Variants in RAD54L observed in about 807,000 individuals in gnomAD.
RAD54L encodes the protein RAD54 like.
Under a neutral mutation model 91.6 loss-of-function variants are expected in RAD54L, and 74 were observed. That is an observed-to-expected ratio of 0.81 (90% CI 0.67 to 0.98). The LOEUF is 0.98. RAD54L is among the 50% of genes least tolerant of loss of function. The probability of loss-of-function intolerance (pLI) is 0.00; values close to 1 mark genes in which losing one functional copy is unlikely to be tolerated. For missense variants in RAD54L, 887 were observed against 945.7 expected (o/e 0.94, Z 0.81); for synonymous variants, 304 against 349.7 (o/e 0.87, Z 1.46).
chr1:46,258,937 T>A (rs1205488007), intron 4 of RAD54L, among the ~76,000 whole-genome samples, 191 bp downstream of exon 4: 1 of 152,216 alleles, frequency 6.6e-6, no homozygotes, highest in Non-Finnish European at 1.5e-5. Flanking sequence ...CTGCCAAGAC[T>A]AACTGCCCCT....
chr1:46,261,214 T>G (rs1302487291), intron 7 of RAD54L, 47 bp from the exon 8 acceptor site: 9 of 1,607,552 alleles, frequency 5.6e-6, no homozygotes, highest in Non-Finnish European at 7.6e-6. Flanking sequence ...GTTTTTTTTT[T>G]TTTCAAAAGA....
rs754995325 is a variant in RAD54L at position 46,278,238 on chromosome 1, G to T, written c.2200G>T (p.Val734Phe). The change falls in exon 18 of 18, where the codon GTC (valine) becomes TTC (phenylalanine). Residue 734 changes from valine to phenylalanine, a missense_variant. By Grantham distance (50) the Val-to-Phe change is conservative. Coordinates refer to ENST00000371975, the MANE Select transcript of RAD54L (RefSeq NM_003579.4). The stretch of plus-strand genomic sequence containing the variant: ...TGCTGCCTCCACTGCCATCACCTTC[G>T]TCTTCCACCAGCGTTCTCATGAGGA... ...WDAASTAITF[V>F]FHQRSHEEQR... 6.2e-7 allele frequency: 1 copy of T among 1,613,836 alleles called. No homozygotes were observed. Among genetic ancestry groups the T allele is most frequent in the South Asian group, 1.1e-5 (1 of 90,998 alleles).
At position 46,255,447 on chromosome 1, in the gene RAD54L, G is replaced by C. The variant is rs1265302959; in HGVS notation, c.211-3239G>C. 2.0e-5 allele frequency among the ~76,000 whole-genome samples: 3 copies of C among 149,642 alleles called. No individual in the cohort carries two copies. In the East Asian group the frequency reaches 6.0e-4, roughly 30 times the overall value. On this transcript the variant is annotated intron_variant, in intron 3 of 17. Transcript: ENST00000371975. ...GCTCCCTCCCCTGCCCCCTGCTATA[G>C]AGACTGGTGAGTCACCAAACCAGAT...
In RAD54L at chr1:46,249,929, C is replaced by A. The variant is rs1571709884; in HGVS notation, c.91-71C>A. The A allele has an allele frequency of 2.6e-6, 4 of 1,548,330 alleles. No individual in the cohort carries two copies. The East Asian group carries it at 6.7e-5, about 26-fold the overall frequency. ...AGTGCCTGGCACTTAATAAGCACTT[C>A]AAGTGTTAGTTGCCATTATGGTGAT... On this transcript the variant is annotated intron_variant, in intron 2 of 17. Transcript: ENST00000371975.
intron 3 of RAD54L, among the ~76,000 whole-genome samples, chr1:46,251,696 C>T (rs1365511353): frequency 6.6e-6 from 1 of 152,158 alleles, no homozygotes; most frequent in African/African-American, 2.4e-5. Context: ...AGCTTGAGCT[C>T]AGGAGTTTGA....
chr1:46,258,267 A>G (rs866205687), intron 3 of RAD54L, among the ~76,000 whole-genome samples: 1 of 150,758 alleles, frequency 6.6e-6, no homozygotes, highest in Middle Eastern at 3.4e-3. Context: ...AAGGAGGCTG[A>G]TGTGAGTATT....
chr1:46,257,448 GT>G (rs1426132856), intron 3 of RAD54L, among the ~76,000 whole-genome samples: 1 of 152,206 alleles, frequency 6.6e-6, no homozygotes, highest in Non-Finnish European at 1.5e-5. Flanking sequence ...GGGCTCAGGT[GT>G]GTGTGGACCA....
At chr1:46,276,859 G>C (rs574816220) in intron 16 of RAD54L, among the ~76,000 whole-genome samples, 2 of 152,300 alleles carry the variant, frequency 1.3e-5, no homozygotes, top group Admixed American at 1.3e-4. Context: ...GGAGTGCAAT[G>C]GCACCATCTC....
In RAD54L at chr1:46,258,712, A is replaced by G. The variant is rs528145742; in HGVS notation, c.237A>G (p.Ser79=). The change falls in exon 4 of 18, where the codon TCA becomes TCG. Residue 79 remains serine, a synonymous_variant. Coordinates refer to ENST00000371975, the MANE Select transcript of RAD54L (RefSeq NM_003579.4). ...AAGCATTTATTCGAAGCATTTTGTC[A>G]AAGCCTTTCAAAGTCCCCATTCCAA... ...QHEAFIRSIL[S]KPFKVPIPNY... The G allele has an allele frequency of 1.2e-6, 2 of 1,608,628 alleles. No homozygotes were observed. Among genetic ancestry groups the G allele is most frequent in the African/African-American group, 1.3e-5 (1 of 74,936 alleles).
At chr1:46,277,641 G>A in intron 16 of RAD54L, 176 bp from the exon 17 acceptor site, 1 of 725,450 alleles carries the variant, frequency 1.4e-6, no homozygotes, top group South Asian at 1.7e-5. Flanking sequence ...GTTCTCAGGA[G>A]ACAGACTGGG....
Position 46,273,709 on chromosome 1 carries a change from G to C in RAD54L, c.1572G>C (p.Gln524His). 1.2e-6 allele frequency: 2 copies of C among 1,613,138 alleles called. No individual in the cohort carries two copies. The change falls in exon 14 of 18, where the codon CAG (glutamine) becomes CAC (histidine). Residue 524 changes from glutamine to histidine, a missense_variant. Coordinates refer to ENST00000371975, the MANE Select transcript of RAD54L (RefSeq NM_003579.4). ...TAGTGCTGGTGTCGAATTACACCCA[G>C]ACTTTGGATCTCTTTGAGAAGCTGT... ...DKVVLVSNYT[Q>H]TLDLFEKLCR...
intron 3 of RAD54L, among the ~76,000 whole-genome samples, chr1:46,257,300 A>T (rs1176481344): frequency 6.6e-6 from 1 of 152,070 alleles, no homozygotes; most frequent in Non-Finnish European, 1.5e-5. Context: ...GCTAGAAGGG[A>T]CATTTTTTCA....
chr1:46,260,206 G>C, intron 5 of RAD54L, 107 bp downstream of exon 5: 1 of 1,522,704 alleles, frequency 6.6e-7, no homozygotes, highest in Admixed American at 1.7e-5. Flanking sequence ...ATTGACATAT[G>C]TTTTCAGAGA....
chr1:46,271,623 C>T (rs1660429059), intron 10 of RAD54L, among the ~76,000 whole-genome samples: 3 of 151,910 alleles, frequency 2.0e-5, no homozygotes, highest in African/African-American at 4.8e-5. Flanking sequence ...CGCCACTGCA[C>T]CCCAGCCTGG....
chr1:46,276,246 T>C (rs1186231375), intron 16 of RAD54L, among the ~76,000 whole-genome samples: 2 of 152,298 alleles, frequency 1.3e-5, no homozygotes, highest in South Asian at 2.1e-4. Context: ...GGCACGATCA[T>C]GGACCACTGC....
intron 3 of RAD54L, among the ~76,000 whole-genome samples, chr1:46,258,018 A>C (rs1384053996): frequency 1.2e-4 from 18 of 152,104 alleles, no homozygotes; most frequent in Admixed American, 1.0e-3. Flanking sequence ...ATTGGTAGCC[A>C]TCATTATTTT....
chr1:46,268,794 G>C (rs1181701909), intron 9 of RAD54L, among the ~76,000 whole-genome samples: 1 of 152,222 alleles, frequency 6.6e-6, no homozygotes, highest in Non-Finnish European at 1.5e-5. Flanking sequence ...TGTTGAGACA[G>C]AGTCTCTGTT....
intron 17 of RAD54L, 42 bp downstream of exon 17, chr1:46,278,022 A>G: frequency 3.7e-6 from 6 of 1,614,142 alleles, no homozygotes; most frequent in Non-Finnish European, 5.1e-6. Context: ...CTACCCACAC[A>G]GTAGGGAGAT....
intron 3 of RAD54L, among the ~76,000 whole-genome samples, chr1:46,252,751 T>C (rs1659836635): frequency 6.6e-6 from 1 of 152,042 alleles, no homozygotes; most frequent in Non-Finnish European, 1.5e-5. Flanking sequence ...GTTACAGGAA[T>C]AGAACAGAAG....
Sources: gnomAD v4.1 joint callset for allele counts (sites outside exome capture counted in the v4.1 genomes callset) on GRCh38, gnomAD v4.1.1 for gene constraint, MANE v1.5 for transcripts, NCBI Gene and HGNC (gene_info 2026-07-23, HGNC 2026-07-21) for gene names.